ABCB5: variants seen among roughly 807,000 people sequenced by gnomAD.
ABCB5 encodes ATP binding cassette subfamily B member 5, also known as ATP-binding cassette sub-family B member 5.
In ABCB5, 155 loss-of-function variants were observed where a neutral mutation model predicts 144.2. That is an observed-to-expected ratio of 1.08 (90% CI 0.94 to 1.23). ABCB5 has a LOEUF of 1.23. Among genes scored for constraint, ABCB5 ranks in the 50% most tolerant of loss-of-function variants. The pLI, the probability that ABCB5 is intolerant of heterozygous loss-of-function variation, is 0.00. For synonymous variants in ABCB5, 610 were observed against 528.6 expected (o/e 1.15, Z -2.11); for missense variants, 1,830 against 1,520.8 (o/e 1.20, Z -3.38).
chr7:20,672,862 T>G (rs548137958), intron 14 of ABCB5, among the ~76,000 whole-genome samples: 19 of 152,318 alleles, frequency 1.2e-4, no homozygotes, highest in African/African-American at 4.6e-4. Context: ...TTTTCCAGAC[T>G]GTTGACTCCA....
chr7:20,751,212 A>G (rs1782917695), intron 26 of ABCB5, among the ~76,000 whole-genome samples: 1 of 152,118 alleles, frequency 6.6e-6, no homozygotes, highest in Non-Finnish European at 1.5e-5. Flanking sequence ...TTGCCAGAAA[A>G]TGGATTCAAA....
chr7:20,729,160 G>C (rs1274206642), intron 23 of ABCB5, among the ~76,000 whole-genome samples: 1 of 152,078 alleles, frequency 6.6e-6, no homozygotes, highest in Non-Finnish European at 1.5e-5. Context: ...TTGTTATTTA[G>C]TCTCTATAAG....
intron 1 of ABCB5, among the ~76,000 whole-genome samples, chr7:20,619,858 G>A (rs1307053727): frequency 6.6e-6 from 1 of 152,130 alleles, no homozygotes; most frequent in Admixed American, 6.5e-5. Context: ...TTTATCTATG[G>A]TGAAATGTAG....
intron 2 of ABCB5, 94 bp from the exon 3 acceptor site, chr7:20,626,463 G>A: frequency 9.7e-7 from 1 of 1,026,332 alleles, no homozygotes; most frequent in Non-Finnish European, 1.4e-6. Context: ...TTGCTACCAA[G>A]GTGATATCTG....
intron 20 of ABCB5, among the ~76,000 whole-genome samples, chr7:20,709,708 A>G (rs1786946849): frequency 6.7e-6 from 1 of 150,132 alleles, no homozygotes; most frequent in Admixed American, 6.6e-5. Flanking sequence ...TGAGAGTGGC[A>G]CATATGGTTT....
chr7:20,726,826 T>A (rs771000904), intron 21 of ABCB5, among the ~76,000 whole-genome samples: 1 of 152,220 alleles, frequency 6.6e-6, no homozygotes, highest in Non-Finnish European at 1.5e-5. Context: ...GTAGACTAAA[T>A]CTCAATAAGA....
chr7:20,696,236 A>C (rs1424571543), intron 16 of ABCB5, among the ~76,000 whole-genome samples: 1 of 152,142 alleles, frequency 6.6e-6, no homozygotes, highest in Non-Finnish European at 1.5e-5. Flanking sequence ...GCAGCAATAA[A>C]AGGAAATGAT....
chr7:20,651,531 A>G lies in ABCB5; in HGVS notation c.1444A>G (p.Ile482Val). ...GTTCGGGACCACCATCAGTAACAAT[A>G]TCAAGTATGGACGAGATGATGTGAC... ...VLFGTTISNN[I>V]KYGRDDVTDE... Residue 482 changes from isoleucine (I) to valine (V), a missense_variant, in exon 13 of 28, where the codon ATC becomes GTC. Ile to Val is a conservative substitution (Grantham distance 29, BLOSUM62 3). Coordinates refer to ENST00000404938, the MANE Select transcript of ABCB5 (RefSeq NM_001163941.2). The G allele has an allele frequency of 1.2e-6, 2 of 1,614,132 alleles. No individual in the cohort carries two copies. The highest frequency in any genetic ancestry group is 1.7e-6 in the Non-Finnish European group (2 of 1,180,004).
chr7:20,626,854 G>GGTGGGTGT (rs1554278227), intron 3 of ABCB5, among the ~76,000 whole-genome samples: 2 of 143,758 alleles, frequency 1.4e-5, no homozygotes, highest in African/African-American at 5.1e-5. Flanking sequence ...GTGTTTTTGG[G>GGTGGGTGT]GTGTGTGTGT....
chr7:20,644,983 C>T (rs1442603891), intron 7 of ABCB5, among the ~76,000 whole-genome samples: 2 of 152,284 alleles, frequency 1.3e-5, no homozygotes, highest in East Asian at 3.9e-4. Context: ...AGATCAGAAC[C>T]TTAACGTCCA....
chr7:20,711,844 CTTTTCTTTCT>C lies in ABCB5; in HGVS notation c.2421+7040_2421+7049del, dbSNP rs1562573794. On this transcript the variant is annotated intron_variant, in intron 20 of 27. Coordinates refer to ENST00000404938, the MANE Select transcript of ABCB5 (RefSeq NM_001163941.2). Reference sequence around the variant, plus strand: ...TCTTTCTTTCTTTCTTTCTTTCTTTCTTTTCTTTCTTTCTTTCCTTCCTCCCTCCCTCCCT... The same window carrying C: ...TCTTTCTTTCTTTCTTTCTTTCTTTCTTCTTTCCTTCCTCCCTCCCTCCCT... Among the ~76,000 whole-genome samples the C allele has an allele frequency of 8.3e-5, 7 of 84,478 alleles. 1 individual carries two copies. The highest frequency in any genetic ancestry group is 3.1e-4 in the African/African-American group (7 of 22,646). The allele number at this position is 84,478 out of a possible 152,430, so 55.4% of individuals were successfully genotyped here. A position where few individuals can be genotyped will look rare whatever the true frequency, so the allele number is the denominator to read the frequency against.
At chr7:20,751,460 G>A (rs1782928231) in intron 26 of ABCB5, among the ~76,000 whole-genome samples, 1 of 151,932 alleles carries the variant, frequency 6.6e-6, no homozygotes, top group South Asian at 2.1e-4. Flanking sequence ...TACAGAGCGA[G>A]ACTCCGTAAA....
At chr7:20,675,470 C>T (rs753255106) in intron 14 of ABCB5, among the ~76,000 whole-genome samples, 38 of 151,960 alleles carry the variant, frequency 2.5e-4, no homozygotes, top group Non-Finnish European at 2.9e-4. Context: ...GGACTTTTAT[C>T]TGCACCATAC....
chr7:20,622,696 T>G (rs1246011899), intron 1 of ABCB5, among the ~76,000 whole-genome samples: 1 of 152,088 alleles, frequency 6.6e-6, no homozygotes, highest in African/African-American at 2.4e-5. Context: ...GATCCTCAAG[T>G]ATCATCCCAA....
At chr7:20,725,437 G>T (rs1399829447) in intron 21 of ABCB5, among the ~76,000 whole-genome samples, 2 of 152,158 alleles carry the variant, frequency 1.3e-5, no homozygotes, top group Non-Finnish European at 2.9e-5. Flanking sequence ...AAATTAACCA[G>T]GTATGGTGGC....
At chr7:20,668,654 C>A (rs1231689311) in intron 14 of ABCB5, among the ~76,000 whole-genome samples, 1 of 144,600 alleles carries the variant, frequency 6.9e-6, no homozygotes, top group Non-Finnish European at 1.5e-5. Flanking sequence ...GACTCCTCTG[C>A]CCGGCCGCCC....
In ABCB5 at chr7:20,647,984, A is replaced by G; in HGVS notation, c.1112A>G (p.Asn371Ser). Residue 371 changes from asparagine (N) to serine (S), a missense_variant, in exon 11 of 28, where the codon AAC (asparagine) becomes AGC (serine). Transcript: ENST00000404938. ...TTTTCCAAGAAACCCAGTATAGATA[A>G]CTTTTCCACAGCTGGATATAAACCT... ...QVIDKKPSID[N>S]FSTAGYKPES... The G allele has an allele frequency of 6.2e-7, 1 of 1,605,892 alleles. No homozygotes were observed. The highest frequency in any genetic ancestry group is 1.1e-5 in the South Asian group (1 of 90,758).
rs115635295 is a variant in ABCB5 at position 20,728,973 on chromosome 7, G to A, written c.2867+518G>A. Among the ~76,000 whole-genome samples, 906 of 152,042 alleles carry A rather than the reference G, an allele frequency of 6.0e-3. 5 individuals are homozygous for A. Among genetic ancestry groups the A allele is most frequent in the African/African-American group, 0.021 (868 of 41,488 alleles). On this transcript the variant is annotated intron_variant, in intron 23 of 27. Transcript: ENST00000404938. The stretch of plus-strand genomic sequence containing the variant: ...TATAATAGTTACACATATTTTAGGG[G>A]TACACATGATATTTTGATATATTCA...
At chr7:20,743,971 C>A (rs1782640657) in intron 25 of ABCB5, among the ~76,000 whole-genome samples, 1 of 152,142 alleles carries the variant, frequency 6.6e-6, no homozygotes, top group Non-Finnish European at 1.5e-5. Flanking sequence ...ATGCCCTGGC[C>A]CCTGCCTCCC....
Sources: allele counts gnomAD v4.1 joint callset (sites outside exome capture counted in the v4.1 genomes callset), GRCh38; gene constraint gnomAD v4.1.1; transcripts MANE v1.5; gene names NCBI Gene and HGNC (gene_info 2026-07-23, HGNC 2026-07-21).